The following ARFGEF1 variants were observed in gnomAD, a reference collection of about 807,000 sequenced individuals.
ARFGEF1 encodes ARF guanine nucleotide exchange factor 1.
A neutral mutation model predicts 231.0 loss-of-function variants in ARFGEF1; 42 were observed. The observed-to-expected ratio is 0.18, with a 90% CI of 0.14 to 0.24. The LOEUF is 0.24. ARFGEF1 is among the 10% of genes least tolerant of loss of function. The pLI is 1.00. For missense variants in ARFGEF1, 1,345 were observed against 2,192.0 expected (o/e 0.61, Z 7.72); for synonymous variants, 710 against 732.3 (o/e 0.97, Z 0.49).
In ARFGEF1 at chr8:67,245,443, G is replaced by A. The variant is rs746883263; in HGVS notation, c.2851-5153C>T. Among the ~76,000 whole-genome samples the A allele has an allele frequency of 1.1e-4, 16 of 150,392 alleles. 1 individual carries two copies. The highest frequency in any genetic ancestry group is 1.6e-4 in the Non-Finnish European group (11 of 67,830). On this transcript the variant is annotated intron_variant, in intron 19 of 38. Transcript: ENST00000262215. Reference sequence around the variant, plus strand: ...AAGGTATAAACAAAAACAACAAAAGGTTAAAAAGCAGGGGAACAAAGTTAA... The same window carrying A: ...AAGGTATAAACAAAAACAACAAAAGATTAAAAAGCAGGGGAACAAAGTTAA...
chr8:67,184,744 T>TAATAATAATAATA (rs1554621539), intron 5 of ARFGEF1, among the ~76,000 whole-genome samples: 7 of 142,498 alleles, frequency 4.9e-5, no homozygotes, highest in African/African-American at 1.8e-4. Flanking sequence ...AATAAAAAAA[T>TAATAATAATAATA]ATAATAATAA....
rs765557150 is a variant in ARFGEF1 at position 67,291,852 on chromosome 8, G to A, written c.911C>T (p.Ala304Val). 2 of 1,612,278 alleles carry A rather than the reference G, an allele frequency of 1.2e-6. No homozygotes were observed. The highest frequency in any genetic ancestry group is 1.7e-6 in the Non-Finnish European group (2 of 1,178,786). The change falls in exon 6 of 39, where the codon GCT becomes GTT. Residue 304 changes from alanine to valine, a missense_variant. Ala to Val is a moderately conservative substitution (Grantham distance 64). Around this residue, in one of 14 missense-constraint regions of ARFGEF1, gnomAD observed 398 missense variants for 463.2 expected, o/e 0.86. Transcript: ENST00000262215. ...CCCCTTTTCAAGAAGATTACTTTCAGCTGCAGTTGCCTGATCAGCTTCAGT... is the reference window on the plus strand; with the variant it reads ...CCCCTTTTCAAGAAGATTACTTTCAACTGCAGTTGCCTGATCAGCTTCAGT... ...EQTEADQATA[A>V]ETLSKNEVLY...
intron 29 of ARFGEF1, among the ~76,000 whole-genome samples, chr8:67,220,569 A>G (rs901236876): frequency 6.6e-6 from 1 of 152,230 alleles, no homozygotes; most frequent in African/African-American, 2.4e-5. Context: ...TTGATCCCTA[A>G]GATACCTAAT....
chr8:67,248,818 G>A (rs182244789), intron 19 of ARFGEF1, among the ~76,000 whole-genome samples: 2 of 150,458 alleles, frequency 1.3e-5, no homozygotes, highest in African/African-American at 2.5e-5. Flanking sequence ...AATTTAGGAC[G>A]GTCATGCCTG....
chr8:67,277,532 T>A, intron 7 of ARFGEF1, 75 bp from the exon 8 acceptor site: 1 of 1,395,064 alleles, frequency 7.2e-7, no homozygotes, highest in Non-Finnish European at 9.8e-7. Context: ...ACAGAGTATT[T>A]AAAATGAAAC....
chr8:67,266,792 T>C (rs1023111389), intron 13 of ARFGEF1, 84 bp downstream of exon 13: 2 of 922,534 alleles, frequency 2.2e-6, no homozygotes, highest in East Asian at 2.6e-5. Context: ...TGTCATGAAA[T>C]TGGTTTAACA....
intron 7 of ARFGEF1, among the ~76,000 whole-genome samples, chr8:67,280,084 T>G (rs1805473650): frequency 6.6e-6 from 1 of 152,230 alleles, no homozygotes; most frequent in South Asian, 2.1e-4. Context: ...TCCTAGAAAG[T>G]AGGTTGAAAT....
chr8:67,192,839 A>C (rs1836758111), downstream of ARFGEF1, among the ~76,000 whole-genome samples: 1 of 152,192 alleles, frequency 6.6e-6, no homozygotes, highest in Admixed American at 6.5e-5. Flanking sequence ...TTAATCTTCC[A>C]TTGATCTACA....
downstream of ARFGEF1, chr8:67,174,788 G>A (rs1831219746): frequency 1.3e-5 from 2 of 153,308 alleles, no homozygotes; most frequent in Admixed American, 6.5e-5. Context: ...AAAAAGAAAT[G>A]GCATTCCCCC....
At chr8:67,311,173 G>A (rs1427454025) in intron 1 of ARFGEF1, among the ~76,000 whole-genome samples, 26 of 143,120 alleles carry the variant, frequency 1.8e-4, no homozygotes, top group African/African-American at 6.5e-4. Context: ...GCCTCTGCCC[G>A]GCCGCCCCCA....
chr8:67,334,563 C>T (rs1009679524), intron 1 of ARFGEF1, among the ~76,000 whole-genome samples: 1 of 152,188 alleles, frequency 6.6e-6, no homozygotes, highest in Non-Finnish European at 1.5e-5. Context: ...CCCACCAATT[C>T]CCTTCCCAGT....
intron 29 of ARFGEF1, among the ~76,000 whole-genome samples, chr8:67,220,885 T>C (rs1839129629): frequency 6.9e-6 from 1 of 144,768 alleles, no homozygotes; most frequent in African/African-American, 2.7e-5. Context: ...GAAAATGTCT[T>C]TTTTTCCTTT....
rs202104244 is a variant in ARFGEF1, at chr8:67,205,861, AAAATAAATAAAT to A, written c.4820-1054_4820-1043del. 3.6e-4 allele frequency among the ~76,000 whole-genome samples: 54 copies of A among 150,240 alleles called. 1 individual carries two copies. Among genetic ancestry groups the A allele is most frequent in the East Asian group, 1.2e-3 (6 of 5,164 alleles). Reference sequence around the variant, plus strand: ...CAAGAGAGAGAGACTCCGTCTCAAAAAAATAAATAAATAAATAAATAAATAAATAAATAAAAT... The same window carrying A: ...CAAGAGAGAGAGACTCCGTCTCAAAAAAATAAATAAATAAATAAATAAAAT... On this transcript the variant is annotated intron_variant, in intron 34 of 38. Coordinates refer to ENST00000262215, the MANE Select transcript of ARFGEF1 (RefSeq NM_006421.5).
At chr8:67,252,599 C>G (rs1184762702) in intron 18 of ARFGEF1, among the ~76,000 whole-genome samples, 1 of 152,156 alleles carries the variant, frequency 6.6e-6, no homozygotes, top group African/African-American at 2.4e-5. Flanking sequence ...CTCAGAAATG[C>G]AGGAATCCTC....
At chr8:67,250,653 T>C (rs1421636602) in intron 19 of ARFGEF1, among the ~76,000 whole-genome samples, 1 of 152,202 alleles carries the variant, frequency 6.6e-6, no homozygotes, top group Non-Finnish European at 1.5e-5. Flanking sequence ...CCTTGCCATA[T>C]TGTCTCATGA....
At position 67,235,678 on chromosome 8, in the gene ARFGEF1, T is replaced by C. The variant is rs370658897; in HGVS notation, c.3289+2665A>G. 5.7e-4 allele frequency among the ~76,000 whole-genome samples: 87 copies of C among 152,178 alleles called. 1 individual carries two copies. Among genetic ancestry groups the C allele is most frequent in the Middle Eastern group, 3.4e-3 (1 of 294 alleles). On this transcript the variant is annotated intron_variant, in intron 22 of 38. Transcript: ENST00000262215. ...ATAGGAAAAAAACATAGTGAAAGCC[T>C]GGGACAGGCTTTTACTTTAGTAACT...
intron 5 of ARFGEF1, chr8:67,190,728 G>A (rs761219355): frequency 9.9e-6 from 16 of 1,613,372 alleles, no homozygotes; most frequent in East Asian, 2.2e-5. Context: ...GCACGGGAGC[G>A]CAGGAGGAAC....
At chr8:67,317,608 T>TAAA (rs1563912337) in intron 1 of ARFGEF1, among the ~76,000 whole-genome samples, 1 of 134,888 alleles carries the variant, frequency 7.4e-6, no homozygotes, top group African/African-American at 2.7e-5. Flanking sequence ...GAACTAATAT[T>TAAA]TAAAAAAAAA....
At chr8:67,178,480 A>C (rs1042261538) in intron 5 of ARFGEF1, among the ~76,000 whole-genome samples, 3 of 152,230 alleles carry the variant, frequency 2.0e-5, no homozygotes, top group Non-Finnish European at 4.4e-5. Context: ...GACAGGTTAC[A>C]TTCCAGAAGG....
Sources: allele counts gnomAD v4.1 joint callset (sites outside exome capture counted in the v4.1 genomes callset), GRCh38; gene constraint gnomAD v4.1.1; regional missense constraint gnomAD v4.1.1; transcripts MANE v1.5; gene names NCBI Gene and HGNC (gene_info 2026-07-23, HGNC 2026-07-21).